FGF14: variants seen among roughly 807,000 people sequenced by gnomAD.
FGF14 encodes the protein fibroblast growth factor homologous factor 4.
In FGF14, 5 loss-of-function variants were observed where a neutral mutation model predicts 25.5. The observed-to-expected ratio is 0.20, with a 90% CI of 0.10 to 0.41. The LOEUF (loss-of-function observed/expected upper bound fraction) is 0.41. Ranked by LOEUF, FGF14 falls within the 10% of genes least tolerant of loss-of-function variation. FGF14 has a pLI of 1.00. For synonymous variants in FGF14, 138 were observed against 118.3 expected (o/e 1.17, Z -1.08); for missense variants, 222 against 320.1 (o/e 0.69, Z 2.34).
At chr13:101,972,130 C>A (rs932849702) in intron 1 of FGF14, among the ~76,000 whole-genome samples, 2 of 152,190 alleles carry the variant, frequency 1.3e-5, no homozygotes, top group Admixed American at 1.3e-4. Flanking sequence ...AGACTCAGTA[C>A]AATGGCAGAG....
intron 1 of FGF14, among the ~76,000 whole-genome samples, chr13:102,271,724 C>T (rs543589957): frequency 6.6e-6 from 1 of 152,278 alleles, no homozygotes; most frequent in Non-Finnish European, 1.5e-5. Context: ...ATGACAATCG[C>T]TATCATCGAG....
rs540181047 is a variant in FGF14, at chr13:101,760,277, G to A, written c.409-33467C>T. Among the ~76,000 whole-genome samples, 5 of 152,050 alleles carry A rather than the reference G, an allele frequency of 3.3e-5. No homozygotes were observed. In the South Asian group the frequency reaches 1.0e-3, roughly 32 times the overall value. On this transcript the variant is annotated intron_variant, in intron 3 of 4. Transcript: ENST00000376143. The stretch of plus-strand genomic sequence containing the variant: ...CTGGGAAATAAAATATATCTATTTG[G>A]GGCTTACTCTACGTTCACTGCTTCC...
intron 1 of FGF14, among the ~76,000 whole-genome samples, chr13:102,311,145 T>C (rs988423730): frequency 7.2e-5 from 11 of 152,142 alleles, no homozygotes; most frequent in Non-Finnish European, 1.2e-4. Context: ...ACATTCAGCA[T>C]GGTCCAAGGG....
intron 1 of FGF14, 37 bp from the exon 2 acceptor site, chr13:101,875,333 G>T: frequency 7.4e-7 from 1 of 1,354,252 alleles, no homozygotes; most frequent in Non-Finnish European, 1.1e-6. Context: ...GCCTCACAAT[G>T]TGTCACCATA....
chr13:101,914,929 G>A (rs146265977), intron 1 of FGF14, among the ~76,000 whole-genome samples: 24 of 152,296 alleles, frequency 1.6e-4, no homozygotes, highest in Admixed American at 7.8e-4. Context: ...TCTATCAACG[G>A]TGATTAAGGC....
intron 1 of FGF14, among the ~76,000 whole-genome samples, chr13:102,281,690 CT>C (rs539883822): frequency 0.045 from 6,080 of 134,916 alleles, 263 homozygotes; most frequent in African/African-American, 0.12. Flanking sequence ...ATCCTAACTT[CT>C]TTTTTTTTTT....
chr13:101,977,423 G>A (rs760885202), intron 1 of FGF14, among the ~76,000 whole-genome samples: 7 of 152,112 alleles, frequency 4.6e-5, no homozygotes, highest in Non-Finnish European at 8.8e-5. Flanking sequence ...TCCCAAATTG[G>A]TTTAAAGGCT....
chr13:101,785,587 A>C (rs1226626629), intron 3 of FGF14, among the ~76,000 whole-genome samples: 1 of 152,108 alleles, frequency 6.6e-6, no homozygotes, highest in Admixed American at 6.6e-5. Flanking sequence ...ACTAAACTAC[A>C]TTATCTGTCT....
chr13:102,064,396 C>G (rs1211407965), intron 1 of FGF14, among the ~76,000 whole-genome samples: 1 of 151,962 alleles, frequency 6.6e-6, no homozygotes, highest in Non-Finnish European at 1.5e-5. Flanking sequence ...TAGCTGATGA[C>G]CAACGTAATT....
intron 3 of FGF14, among the ~76,000 whole-genome samples, chr13:101,858,022 G>A (rs1303744520): frequency 4.0e-5 from 6 of 151,768 alleles, no homozygotes; most frequent in Non-Finnish European, 2.9e-5. Flanking sequence ...GAAAAAAGTT[G>A]TTTTACATAT....
chr13:101,773,676 T>A (rs1481034441), intron 3 of FGF14, among the ~76,000 whole-genome samples: 1 of 151,810 alleles, frequency 6.6e-6, no homozygotes, highest in Middle Eastern at 3.2e-3. Flanking sequence ...GAAGAGCTTG[T>A]ACCAGGACAG....
intron 2 of FGF14, among the ~76,000 whole-genome samples, chr13:101,871,843 G>A (rs1158290669): frequency 1.3e-5 from 2 of 151,950 alleles, no homozygotes; most frequent in African/African-American, 2.4e-5. Context: ...CAATAATAAA[G>A]CAGTTGACTT....
intron 1 of FGF14, chr13:102,262,911 G>T: frequency 2.9e-6 from 1 of 346,314 alleles, no homozygotes; most frequent in Non-Finnish European, 5.4e-6. Flanking sequence ...GATTCAGAGA[G>T]AAAAAAATAT....
intron 1 of FGF14, chr13:102,045,946 A>G (rs7332448): frequency 0.04 from 6,214 of 154,218 alleles, 413 homozygotes; most frequent in African/African-American, 0.14. Flanking sequence ...CACAAAACCA[A>G]TCACTTGGTA....
chr13:102,284,802 C>T (rs566562335), intron 1 of FGF14, among the ~76,000 whole-genome samples: 11 of 151,868 alleles, frequency 7.2e-5, no homozygotes, highest in African/African-American at 2.4e-4. Flanking sequence ...TATTTTTTAC[C>T]GAGGAGTAAA....
intron 1 of FGF14, among the ~76,000 whole-genome samples, chr13:102,128,386 G>A (rs956670546): frequency 5.3e-5 from 8 of 152,148 alleles, no homozygotes; most frequent in Non-Finnish European, 8.8e-5. Context: ...GCTGACAAGT[G>A]GATTGGCCAA....
At chr13:102,062,455 T>C (rs1354344622) in intron 1 of FGF14, among the ~76,000 whole-genome samples, 1 of 152,136 alleles carries the variant, frequency 6.6e-6, no homozygotes, top group Admixed American at 6.5e-5. Context: ...AGTTACTAAG[T>C]TGATCTGAAA....
intron 1 of FGF14, among the ~76,000 whole-genome samples, chr13:102,310,086 G>T (rs1205047697): frequency 6.6e-6 from 1 of 152,132 alleles, no homozygotes; most frequent in Non-Finnish European, 1.5e-5. Flanking sequence ...AAAATGAAAA[G>T]GTTTGCTTCC....
intron 3 of FGF14, among the ~76,000 whole-genome samples, chr13:101,810,226 T>C (rs1284528329): frequency 6.6e-6 from 1 of 152,234 alleles, no homozygotes; most frequent in Non-Finnish European, 1.5e-5. Context: ...GTTTTAGCCC[T>C]GCAGTTTTCA....
Sources: gnomAD v4.1 joint callset for allele counts (sites outside exome capture counted in the v4.1 genomes callset) on GRCh38, gnomAD v4.1.1 for gene constraint, MANE v1.5 for transcripts, NCBI Gene and HGNC (gene_info 2026-07-23, HGNC 2026-07-21) for gene names.